SMYD3: variants seen among roughly 807,000 people sequenced by gnomAD.
The protein encoded by SMYD3 is SET and MYND domain containing 3.
In SMYD3, 36 loss-of-function variants were observed where a neutral mutation model predicts 57.7. That is an observed-to-expected ratio of 0.62 (90% CI 0.48 to 0.82). The LOEUF (loss-of-function observed/expected upper bound fraction) is 0.82. SMYD3 is among the 40% of genes least tolerant of loss of function. SMYD3 has a pLI of 0.00. For synonymous variants in SMYD3, 211 were observed against 195.0 expected, an observed-to-expected ratio of 1.08 and a Z score of -0.68; for missense variants, 515 against 538.8, an observed-to-expected ratio of 0.96 and a Z score of 0.44.
At chr1:246,138,658 C>T (rs1306604286) in intron 5 of SMYD3, among the ~76,000 whole-genome samples, 3 of 143,676 alleles carry the variant, frequency 2.1e-5, no homozygotes, top group Non-Finnish European at 4.7e-5. Context: ...ATCTCCTGAC[C>T]TCGTGATCCG....
chr1:245,962,705 C>G (rs893929554), intron 5 of SMYD3, among the ~76,000 whole-genome samples: 1 of 125,496 alleles, frequency 8.0e-6, no homozygotes, highest in Non-Finnish European at 1.8e-5. Context: ...CCTCAACAAC[C>G]GCAAAACCAA....
intron 5 of SMYD3, among the ~76,000 whole-genome samples, chr1:246,181,650 T>G (rs1190890157): frequency 1.3e-5 from 2 of 152,190 alleles, no homozygotes; most frequent in Non-Finnish European, 2.9e-5. Context: ...TTATAAGAAA[T>G]AAATTCAGTT....
chr1:246,458,297 G>A (rs2067735132), intron 1 of SMYD3, among the ~76,000 whole-genome samples: 2 of 152,098 alleles, frequency 1.3e-5, no homozygotes, highest in South Asian at 4.1e-4. Flanking sequence ...GAAAAGGAGA[G>A]TTAAAAGTGA....
At chr1:246,198,229 G>C (rs569902097) in intron 5 of SMYD3, among the ~76,000 whole-genome samples, 2 of 152,182 alleles carry the variant, frequency 1.3e-5, no homozygotes, top group Admixed American at 1.3e-4. Flanking sequence ...GTATCACAGG[G>C]ACTAAACCTG....
intron 5 of SMYD3, among the ~76,000 whole-genome samples, chr1:246,104,747 C>T (rs2061086190): frequency 1.3e-5 from 2 of 152,024 alleles, no homozygotes; most frequent in South Asian, 4.2e-4. Flanking sequence ...CTTCCATATT[C>T]GCTTGAGACC....
intron 5 of SMYD3, among the ~76,000 whole-genome samples, chr1:246,249,711 G>C (rs536575925): frequency 6.6e-6 from 1 of 152,114 alleles, no homozygotes; most frequent in Non-Finnish European, 1.5e-5. Flanking sequence ...ATGTGTGTTT[G>C]TATTTATGTA....
chr1:245,914,223 A>G (rs904878717), intron 8 of SMYD3, among the ~76,000 whole-genome samples: 2 of 152,226 alleles, frequency 1.3e-5, no homozygotes, highest in African/African-American at 2.4e-5. Context: ...GGGTTCTCAA[A>G]AAACTAAAAA....
At chr1:246,393,769 C>G (rs565900907) in intron 1 of SMYD3, among the ~76,000 whole-genome samples, 2 of 151,602 alleles carry the variant, frequency 1.3e-5, no homozygotes, top group Non-Finnish European at 2.9e-5. Flanking sequence ...GGTAGGAGGA[C>G]TGCTTGACCC....
chr1:246,187,278 ACT>A (rs1299083838), intron 5 of SMYD3, among the ~76,000 whole-genome samples: 3 of 142,144 alleles, frequency 2.1e-5, no homozygotes, highest in Non-Finnish European at 3.0e-5. Flanking sequence ...ACAGAGTGAG[ACT>A]CTGTCTCAAA....
intron 10 of SMYD3, among the ~76,000 whole-genome samples, chr1:245,773,089 C>CT (rs2046403257): frequency 3.8e-5 from 2 of 52,148 alleles, no homozygotes; most frequent in Non-Finnish European, 6.4e-5. Context: ...GGGAGAATCA[C>CT]TAAAAAAAAA....
intron 1 of SMYD3, among the ~76,000 whole-genome samples, chr1:246,363,610 T>C (rs900846108): frequency 1.5e-4 from 23 of 152,220 alleles, no homozygotes; most frequent in African/African-American, 5.6e-4. Flanking sequence ...CCTGTTGATC[T>C]GTGACCTTAC....
At chr1:246,376,175 A>G (rs1216544159) in intron 1 of SMYD3, among the ~76,000 whole-genome samples, 1 of 152,152 alleles carries the variant, frequency 6.6e-6, no homozygotes, top group Admixed American at 6.6e-5. Context: ...GATGGTATAA[A>G]TATTACAGTA....
chr1:246,480,734 C>T (rs1022410662), intron 1 of SMYD3, among the ~76,000 whole-genome samples: 1 of 152,118 alleles, frequency 6.6e-6, no homozygotes, highest in South Asian at 2.1e-4. Flanking sequence ...ATTTTGGGTC[C>T]TTCTGACAAA....
intron 1 of SMYD3, among the ~76,000 whole-genome samples, chr1:246,461,398 T>A (rs2067795685): frequency 6.6e-6 from 1 of 152,226 alleles, no homozygotes; most frequent in Non-Finnish European, 1.5e-5. Flanking sequence ...CCAAATTATA[T>A]ACATGTTATT....
chr1:246,291,165 T>G (rs528136798), intron 5 of SMYD3, among the ~76,000 whole-genome samples: 1 of 152,352 alleles, frequency 6.6e-6, no homozygotes, highest in East Asian at 1.9e-4. Flanking sequence ...CAGTTACAAA[T>G]TATGTATACA....
chr1:246,059,342 A>T (rs1227709160), intron 5 of SMYD3, among the ~76,000 whole-genome samples: 1 of 136,332 alleles, frequency 7.3e-6, no homozygotes. Context: ...TACCTAGAGA[A>T]AAAAAAAAAT....
intron 5 of SMYD3, among the ~76,000 whole-genome samples, chr1:245,962,897 T>G (rs952500321): frequency 6.6e-6 from 1 of 152,176 alleles, no homozygotes; most frequent in African/African-American, 2.4e-5. Context: ...TGTAAAACAG[T>G]CAAGGGGAGT....
chr1:246,042,548 G>A (rs925600098), intron 5 of SMYD3, among the ~76,000 whole-genome samples: 9 of 152,084 alleles, frequency 5.9e-5, no homozygotes, highest in Non-Finnish European at 8.8e-5. Flanking sequence ...TAAGGACTTC[G>A]CATTATTAGT....
At chr1:246,022,830 T>C (rs924336962) in intron 5 of SMYD3, among the ~76,000 whole-genome samples, 1 of 152,206 alleles carries the variant, frequency 6.6e-6, no homozygotes, top group African/African-American at 2.4e-5. Flanking sequence ...CACTTCGCAC[T>C]TTCCATGGTG....
Sources: allele counts gnomAD v4.1 joint callset (sites outside exome capture counted in the v4.1 genomes callset), GRCh38; gene constraint gnomAD v4.1.1; transcripts MANE v1.5; gene names NCBI Gene and HGNC (gene_info 2026-07-23, HGNC 2026-07-21).